The following FMN1 variants were observed in gnomAD, a reference collection of about 807,000 sequenced individuals.
The protein encoded by FMN1 is formin-1.
Under a neutral mutation model 132.4 loss-of-function variants are expected in FMN1, and 110 were observed. That is an observed-to-expected ratio of 0.83 (90% CI 0.71 to 0.97). The LOEUF is 0.97. Among genes scored for constraint, FMN1 ranks in the 50% least tolerant of loss-of-function variants. The pLI is 0.00. For synonymous variants in FMN1, 722 were observed against 651.7 expected, an observed-to-expected ratio of 1.11 and a Z score of -1.64; for missense variants, 1,792 against 1,705.3, an observed-to-expected ratio of 1.05 and a Z score of -0.90.
At chr15:32,855,876 T>C (rs2059119451) in intron 17 of FMN1, among the ~76,000 whole-genome samples, 1 of 152,328 alleles carries the variant, frequency 6.6e-6, no homozygotes, top group South Asian at 2.1e-4. Flanking sequence ...ATCCATCTCC[T>C]ATAGTCACAT....
intron 6 of FMN1, among the ~76,000 whole-genome samples, chr15:33,057,253 G>C (rs766712049): frequency 5.3e-5 from 8 of 152,150 alleles, no homozygotes; most frequent in Non-Finnish European, 8.8e-5. Context: ...GGAAATTGTA[G>C]CAATTGGAAG....
chr15:33,029,650 T>C (rs1211882303), intron 6 of FMN1, among the ~76,000 whole-genome samples: 1 of 151,252 alleles, frequency 6.6e-6, no homozygotes, highest in Non-Finnish European at 1.5e-5. Context: ...TAGAAGGCAA[T>C]GGGGTAAAGA....
intron 16 of FMN1, among the ~76,000 whole-genome samples, chr15:32,860,283 G>T (rs1178594664): frequency 6.6e-6 from 1 of 151,842 alleles, no homozygotes; most frequent in East Asian, 1.9e-4. Context: ...AAGAAAGGAA[G>T]AAAGGGAAAA....
At chr15:32,922,895 C>T (rs916443549) in intron 10 of FMN1, among the ~76,000 whole-genome samples, 11 of 152,018 alleles carry the variant, frequency 7.2e-5, no homozygotes, top group African/African-American at 4.8e-5. Flanking sequence ...ATGCATATGC[C>T]GAAACAGAGT....
chr15:33,128,979 T>C (rs2140220189), intron 4 of FMN1, among the ~76,000 whole-genome samples: 1 of 152,258 alleles, frequency 6.6e-6, no homozygotes, highest in African/African-American at 2.4e-5. Flanking sequence ...ATTGGTCCAT[T>C]TTACAGAGTG....
At chr15:32,974,005 C>T (rs867486591) in intron 7 of FMN1, among the ~76,000 whole-genome samples, 15 of 152,134 alleles carry the variant, frequency 9.9e-5, no homozygotes, top group South Asian at 4.1e-4. Flanking sequence ...CCAATCTTTG[C>T]CCAGGATCCT....
chr15:32,963,904 T>G (rs2030882789), intron 9 of FMN1, among the ~76,000 whole-genome samples: 1 of 151,272 alleles, frequency 6.6e-6, no homozygotes, highest in African/African-American at 2.4e-5. Flanking sequence ...ACCAACAGCA[T>G]GTAATGAATT....
At chr15:32,985,123 C>T (rs55973188) in intron 7 of FMN1, among the ~76,000 whole-genome samples, 19,014 of 151,936 alleles carry the variant, frequency 0.13, 1,855 homozygotes, top group African/African-American at 0.27. Context: ...CTTTACCATA[C>T]GCTCTGTGTA....
At chr15:32,889,675 G>A (rs1046678098) in intron 15 of FMN1, among the ~76,000 whole-genome samples, 4 of 151,970 alleles carry the variant, frequency 2.6e-5, no homozygotes, top group African/African-American at 7.3e-5. Flanking sequence ...TAAAACAAAC[G>A]TCCTTCCTTA....
intron 6 of FMN1, among the ~76,000 whole-genome samples, chr15:33,013,944 G>T (rs566514217): frequency 6.6e-6 from 1 of 152,158 alleles, no homozygotes; most frequent in Non-Finnish European, 1.5e-5. Context: ...GACAGATATC[G>T]CTATGACTAA....
chr15:32,780,370 G>C (rs1395524493), intron 19 of FMN1, among the ~76,000 whole-genome samples: 5 of 152,154 alleles, frequency 3.3e-5, no homozygotes, highest in Non-Finnish European at 7.4e-5. Flanking sequence ...GTGACCTCTG[G>C]TCGTCCTCAC....
At chr15:32,995,698 G>GA (rs2033724992) in intron 7 of FMN1, among the ~76,000 whole-genome samples, 2 of 152,306 alleles carry the variant, frequency 1.3e-5, no homozygotes, top group South Asian at 4.1e-4. Flanking sequence ...TAAAGTGTAA[G>GA]AAGCCAAGTT....
intron 16 of FMN1, among the ~76,000 whole-genome samples, chr15:32,886,538 T>A (rs1397233465): frequency 1.3e-5 from 2 of 152,182 alleles, no homozygotes; most frequent in Non-Finnish European, 2.9e-5. Context: ...CGCCTCCCAG[T>A]TCACTCCTCT....
chr15:32,936,035 T>C (rs148509643), intron 9 of FMN1, among the ~76,000 whole-genome samples: 136 of 152,282 alleles, frequency 8.9e-4, no homozygotes, highest in African/African-American at 3.2e-3. Context: ...ACCCCACTAG[T>C]GAGCTTTTAA....
chr15:33,059,725 G>C (rs1566876882), intron 6 of FMN1, among the ~76,000 whole-genome samples: 1 of 151,948 alleles, frequency 6.6e-6, no homozygotes, highest in Non-Finnish European at 1.5e-5. Flanking sequence ...TCTCACTACT[G>C]TCATCTGTAA....
At position 33,062,746 on chromosome 15, in the gene FMN1, A is replaced by C. The variant is rs542473957; in HGVS notation, c.2161+2211T>G. The stretch of plus-strand genomic sequence containing the variant: ...AAAGTGACAACAGTTTCTCTGAAAT[A>C]GAATCATAGAAAGTTTCTTTTGCTT... On this transcript the variant is annotated intron_variant, in intron 6 of 20. Coordinates refer to ENST00000616417, the MANE Select transcript of FMN1 (RefSeq NM_001277313.2). 208 of 152,352 alleles carry C rather than the reference A, an allele frequency of 1.4e-3. 1 individual carries two copies. Among genetic ancestry groups the C allele is most frequent in the African/African-American group, 4.4e-3 (184 of 41,574 alleles). 9.4% of individuals were successfully genotyped at this position (152,352 alleles called of 1,614,324 possible).
At chr15:33,110,479 G>A (rs1321236224) in intron 4 of FMN1, among the ~76,000 whole-genome samples, 3 of 151,842 alleles carry the variant, frequency 2.0e-5, no homozygotes, top group African/African-American at 7.2e-5. Context: ...GTATCCTTAT[G>A]AATCTTCTAT....
intron 9 of FMN1, among the ~76,000 whole-genome samples, chr15:32,937,902 A>G (rs2061315670): frequency 6.6e-6 from 1 of 152,228 alleles, no homozygotes; most frequent in South Asian, 2.1e-4. Flanking sequence ...CAAATGGAGG[A>G]CAATAACACA....
chr15:33,066,409 G>C (rs555083178), intron 5 of FMN1: 1 of 989,668 alleles, frequency 1.0e-6, no homozygotes, highest in East Asian at 2.6e-5. Context: ...TCAACTAAAA[G>C]AATCACTAAC....
Sources: gnomAD v4.1 joint callset for allele counts (sites outside exome capture counted in the v4.1 genomes callset) on GRCh38, gnomAD v4.1.1 for gene constraint, MANE v1.5 for transcripts, NCBI Gene and HGNC (gene_info 2026-07-23, HGNC 2026-07-21) for gene names.